The following LRP12 variants were observed in gnomAD, a reference collection of about 807,000 sequenced individuals.
The protein encoded by LRP12 is low-density lipoprotein receptor-related protein 12.
A neutral mutation model predicts 66.0 loss-of-function variants in LRP12; 14 were observed. The observed-to-expected ratio is 0.21, with a 90% CI of 0.14 to 0.33. The LOEUF is 0.33. Among genes scored for constraint, LRP12 ranks in the 10% least tolerant of loss-of-function variants. LRP12 has a pLI of 1.00. For synonymous variants in LRP12, 357 were observed against 359.1 expected, an observed-to-expected ratio of 0.99 and a Z score of 0.07; for missense variants, 889 against 1,053.4, an observed-to-expected ratio of 0.84 and a Z score of 2.16.
At chr8:104,513,458 T>C (rs952101142) in intron 2 of LRP12, among the ~76,000 whole-genome samples, 2 of 152,138 alleles carry the variant, frequency 1.3e-5, no homozygotes, top group African/African-American at 4.8e-5. Context: ...TTGATAAATT[T>C]TTCATTTTCT....
intron 1 of LRP12, among the ~76,000 whole-genome samples, chr8:104,587,582 T>C (rs1277708776): frequency 6.6e-6 from 1 of 152,220 alleles, no homozygotes; most frequent in Non-Finnish European, 1.5e-5. Context: ...AAAGAATTTC[T>C]TGGCTGTCAG....
chr8:104,552,809 C>T (rs895166667), intron 1 of LRP12, among the ~76,000 whole-genome samples: 1 of 152,116 alleles, frequency 6.6e-6, no homozygotes, highest in Non-Finnish European at 1.5e-5. Context: ...TGAACTTTTG[C>T]TCCAAGAACT....
intron 1 of LRP12, among the ~76,000 whole-genome samples, chr8:104,558,209 A>AAAAC (rs764689421): frequency 6.6e-6 from 1 of 151,198 alleles, no homozygotes; most frequent in African/African-American, 2.4e-5. Context: ...GACTTCATCA[A>AAAAC]AAACAAACAA....
intron 2 of LRP12, among the ~76,000 whole-genome samples, chr8:104,525,122 G>A (rs565680498): frequency 6.6e-6 from 1 of 151,952 alleles, no homozygotes; most frequent in South Asian, 2.1e-4. Flanking sequence ...AAATTACTTG[G>A]CAGTTTCTGT....
At chr8:104,567,937 A>G (rs1034545063) in intron 1 of LRP12, among the ~76,000 whole-genome samples, 1 of 152,234 alleles carries the variant, frequency 6.6e-6, no homozygotes, top group Non-Finnish European at 1.5e-5. Context: ...CCTAAAATTC[A>G]TATGAAAATT....
chr8:104,497,013 T>A lies in LRP12; in HGVS notation c.1539A>T (p.Gly513=). 6.4e-7 allele frequency: 1 copy of A among 1,565,962 alleles called. No individual in the cohort carries two copies. The highest frequency in any genetic ancestry group is 1.2e-5 in the South Asian group (1 of 82,590). ...ICGLLLVIAL[G]CTCKLYSLRM... ...TCAGAGAATAAAGCTTACAAGTACA[T>A]CCCAATGCTATGACGAGTAACAGGC... The change falls in exon 5 of 7, where the codon GGA becomes GGT. Residue 513 remains glycine, a synonymous_variant. Coordinates refer to ENST00000276654, the MANE Select transcript of LRP12 (RefSeq NM_013437.5). The surrounding 1 kb of genome is among the most constrained non-coding windows in gnomAD (Gnocchi z 4.3).
At chr8:104,582,993 C>T (rs1253681529) in intron 1 of LRP12, among the ~76,000 whole-genome samples, 9 of 152,098 alleles carry the variant, frequency 5.9e-5, no homozygotes, top group East Asian at 1.9e-4. Context: ...TTACCTCTTA[C>T]GGCAAGAGGA....
intron 1 of LRP12, among the ~76,000 whole-genome samples, chr8:104,580,089 T>C (rs1400782155): frequency 6.6e-6 from 1 of 152,164 alleles, no homozygotes; most frequent in Non-Finnish European, 1.5e-5. Flanking sequence ...GGAATCTAAT[T>C]AAACTGACGA....
chr8:104,513,270 G>A (rs1811023284), intron 2 of LRP12, among the ~76,000 whole-genome samples: 1 of 152,150 alleles, frequency 6.6e-6, no homozygotes, highest in Non-Finnish European at 1.5e-5. Context: ...GATGCTGTCT[G>A]TTCTACCTGC....
At chr8:104,536,514 T>C (rs1811394552) in intron 1 of LRP12, among the ~76,000 whole-genome samples, 1 of 152,070 alleles carries the variant, frequency 6.6e-6, no homozygotes, top group African/African-American at 2.4e-5. Flanking sequence ...ACATAACACA[T>C]AGCAGGGAAT....
At chr8:104,502,292 A>G (rs1233284201) in intron 3 of LRP12, among the ~76,000 whole-genome samples, 1 of 152,180 alleles carries the variant, frequency 6.6e-6, no homozygotes, top group Non-Finnish European at 1.5e-5. Context: ...GACAGGATTC[A>G]AACTCCACAT....
chr8:104,496,924 C>T, intron 5 of LRP12, 48 bp downstream of exon 5: 2 of 1,449,652 alleles, frequency 1.4e-6, no homozygotes, highest in Non-Finnish European at 1.8e-6. Context: ...GTTTCAAACA[C>T]TTGGGCCTGC....
chr8:104,496,406 T>C (rs1810727588), intron 5 of LRP12, among the ~76,000 whole-genome samples: 1 of 152,192 alleles, frequency 6.6e-6, no homozygotes, highest in Middle Eastern at 3.2e-3. Flanking sequence ...TATATTCTTC[T>C]ACTCATACAT....
chr8:104,556,266 AACCC>A (rs1387843081), intron 1 of LRP12, among the ~76,000 whole-genome samples: 1 of 152,166 alleles, frequency 6.6e-6, no homozygotes, highest in African/African-American at 2.4e-5. Flanking sequence ...AACAAGAACA[AACCC>A]AGCAGAAGAA....
At chr8:104,505,252 C>T (rs1810890296) in intron 3 of LRP12, 1 of 151,942 alleles carries the variant, frequency 6.6e-6, no homozygotes, top group Non-Finnish European at 1.5e-5. Flanking sequence ...ATTCCTGAGC[C>T]TACCTTGGCC....
Position 104,577,450 on chromosome 8 carries a change from A to G in LRP12, c.79+11369T>C, listed in dbSNP as rs561501622. 2.0e-5 allele frequency among the ~76,000 whole-genome samples: 3 copies of G among 152,348 alleles called. No homozygotes were observed. The East Asian group carries it at 5.8e-4, about 29-fold the overall frequency. On this transcript the variant is annotated intron_variant, in intron 1 of 6. Transcript: ENST00000276654. ...TCACTAAAAACCATACAATTACATG[A>G]AAATTAAATAATCTGCTCCTGAATG...
chr8:104,508,766 C>T, intron 3 of LRP12, 173 bp downstream of exon 3: 1 of 543,916 alleles, frequency 1.8e-6, no homozygotes, highest in East Asian at 2.9e-5. Flanking sequence ...AAAACACATA[C>T]CAGATGGGCT....
chr8:104,540,757 CAG>C (rs1564139628), intron 1 of LRP12, among the ~76,000 whole-genome samples: 1 of 152,140 alleles, frequency 6.6e-6, no homozygotes, highest in Non-Finnish European at 1.5e-5. Context: ...GTTGTTGAGA[CAG>C]AGTCTCGCTC....
chr8:104,558,109 C>T (rs897567946), intron 1 of LRP12, among the ~76,000 whole-genome samples: 3 of 152,062 alleles, frequency 2.0e-5, no homozygotes, highest in Non-Finnish European at 2.9e-5. Context: ...ACTCAGGAGG[C>T]TGAGGCAGAA....
Sources: gnomAD v4.1 joint callset for allele counts (sites outside exome capture counted in the v4.1 genomes callset) on GRCh38, gnomAD v4.1.1 for gene constraint, Gnocchi (gnomAD v3.1) non-coding constraint, MANE v1.5 for transcripts, NCBI Gene and HGNC (gene_info 2026-07-23, HGNC 2026-07-21) for gene names.